VPS13B: variants seen among roughly 807,000 people sequenced by gnomAD.
The protein encoded by VPS13B is vacuolar protein sorting 13 homolog B, also known as intermembrane lipid transfer protein VPS13B.
VPS13B carries 285 observed loss-of-function variants against 426.4 expected under a neutral mutation model. The ratio of observed to expected loss-of-function variants is 0.67; its 90% CI spans 0.61 to 0.74. The LOEUF (loss-of-function observed/expected upper bound fraction) is 0.74, where lower values mean the gene tolerates loss of function less well. Among genes scored for constraint, VPS13B ranks in the 30% least tolerant of loss-of-function variants. VPS13B has a pLI of 0.00. For synonymous variants in VPS13B, 1,676 were observed against 1,676.4 expected, an observed-to-expected ratio of 1.00 and a Z score of 0.01; for missense variants, 4,537 against 4,782.6, an observed-to-expected ratio of 0.95 and a Z score of 1.51.
intron 25 of VPS13B, among the ~76,000 whole-genome samples, chr8:99,495,653 T>C (rs1588437285): frequency 6.6e-6 from 1 of 152,218 alleles, no homozygotes; most frequent in East Asian, 1.9e-4. Context: ...CTGTTAATCT[T>C]ACAGCTAGAA....
At chr8:99,142,357 A>G (rs1048360383) in intron 12 of VPS13B, among the ~76,000 whole-genome samples, 2 of 152,218 alleles carry the variant, frequency 1.3e-5, no homozygotes, top group East Asian at 3.8e-4. Flanking sequence ...AGAGATGTAC[A>G]TATTAGATAA....
chr8:99,534,442 G>C (rs1324169580), intron 30 of VPS13B, among the ~76,000 whole-genome samples: 1 of 151,884 alleles, frequency 6.6e-6, no homozygotes, highest in Non-Finnish European at 1.5e-5. Context: ...AGAATGTTTG[G>C]GTTCCCATCA....
chr8:99,266,657 G>A (rs1443970377), intron 17 of VPS13B, among the ~76,000 whole-genome samples: 2 of 152,044 alleles, frequency 1.3e-5, no homozygotes, highest in Non-Finnish European at 2.9e-5. Flanking sequence ...GTTCTAGAGG[G>A]ACGTGATGGT....
chr8:99,680,247 G>C (rs1831105413), intron 35 of VPS13B, among the ~76,000 whole-genome samples: 1 of 152,124 alleles, frequency 6.6e-6, no homozygotes, highest in African/African-American at 2.4e-5. Context: ...GTCAAGTAAA[G>C]TTGGAACATT....
chr8:99,491,693 C>G (rs1043832135), intron 25 of VPS13B, among the ~76,000 whole-genome samples: 1 of 152,134 alleles, frequency 6.6e-6, no homozygotes, highest in Non-Finnish European at 1.5e-5. Flanking sequence ...AGTTCTCGTG[C>G]TGTGGTTTTC....
chr8:99,708,957 C>T lies in VPS13B; in HGVS notation c.6455-8214C>T, dbSNP rs1449962888. Among the ~76,000 whole-genome samples, 3 of 151,698 alleles carry T rather than the reference C, an allele frequency of 2.0e-5. No homozygotes were observed. In the South Asian group the frequency reaches 6.3e-4, roughly 32 times the overall value. ...TCAACTTACATATTCTGATCAAGGG[C>T]GGGGACGAACATGTTTTTTTCATGG... On this transcript the variant is annotated intron_variant, in intron 36 of 61. Transcript: ENST00000357162.
chr8:99,811,105 T>C (rs1813674489), intron 44 of VPS13B, among the ~76,000 whole-genome samples: 1 of 152,202 alleles, frequency 6.6e-6, no homozygotes, highest in South Asian at 2.1e-4. Context: ...CACCTTCCCA[T>C]TGAGTAATAT....
At chr8:99,752,750 A>G (rs925621233) in intron 39 of VPS13B, among the ~76,000 whole-genome samples, 1 of 152,332 alleles carries the variant, frequency 6.6e-6, no homozygotes, top group East Asian at 1.9e-4. Context: ...ATCAAGAGTT[A>G]TTAAGAACCT....
At chr8:99,369,108 G>A (rs2133256521) in intron 19 of VPS13B, among the ~76,000 whole-genome samples, 1 of 152,150 alleles carries the variant, frequency 6.6e-6, no homozygotes, top group Admixed American at 6.5e-5. Flanking sequence ...CCTTTCCATA[G>A]TTTTAAAGTT....
chr8:99,404,005 G>T (rs1815193331), intron 21 of VPS13B, among the ~76,000 whole-genome samples: 1 of 152,186 alleles, frequency 6.6e-6, no homozygotes, highest in African/African-American at 2.4e-5. Context: ...TTATTCAACT[G>T]AGGGAAAGGA....
At chr8:99,410,967 T>G (rs899230492) in intron 21 of VPS13B, among the ~76,000 whole-genome samples, 2 of 152,230 alleles carry the variant, frequency 1.3e-5, no homozygotes, top group Non-Finnish European at 2.9e-5. Context: ...CTATCATTGA[T>G]GGGCGTTTGG....
At chr8:99,214,561 G>A (rs535797139) in intron 17 of VPS13B, among the ~76,000 whole-genome samples, 3 of 152,006 alleles carry the variant, frequency 2.0e-5, no homozygotes, top group Admixed American at 6.6e-5. Flanking sequence ...TTTTGTTAAC[G>A]TGTCTCATCC....
chr8:99,369,497 T>C (rs1355772663), intron 19 of VPS13B, among the ~76,000 whole-genome samples: 1 of 152,192 alleles, frequency 6.6e-6, no homozygotes, highest in Non-Finnish European at 1.5e-5. Context: ...TTCTGTCAGG[T>C]TGTCCTGTGT....
At chr8:99,318,591 T>G (rs1366025470) in intron 19 of VPS13B, among the ~76,000 whole-genome samples, 1 of 151,988 alleles carries the variant, frequency 6.6e-6, no homozygotes. Context: ...ATGATCTCAG[T>G]TCACTGCAAC....
intron 14 of VPS13B, among the ~76,000 whole-genome samples, chr8:99,151,029 A>G (rs940793775): frequency 1.3e-5 from 2 of 152,202 alleles, no homozygotes; most frequent in Admixed American, 1.3e-4. Context: ...GTTTCTCCAC[A>G]TCCCTACCAA....
At chr8:99,205,532 C>G (rs79213953) in intron 17 of VPS13B, among the ~76,000 whole-genome samples, 3,075 of 152,114 alleles carry the variant, frequency 0.02, 114 homozygotes, top group African/African-American at 0.07. Flanking sequence ...CTTATACTTT[C>G]ATTTACTTTT....
At chr8:99,040,784 A>G (rs1842933369) in intron 3 of VPS13B, among the ~76,000 whole-genome samples, 1 of 151,956 alleles carries the variant, frequency 6.6e-6, no homozygotes, top group Non-Finnish European at 1.5e-5. Context: ...TGAATCTGTT[A>G]AAAAAAACTA....
intron 25 of VPS13B, among the ~76,000 whole-genome samples, chr8:99,488,996 C>G (rs542930497): frequency 6.6e-6 from 1 of 152,270 alleles, no homozygotes; most frequent in African/African-American, 2.4e-5. Context: ...AGGTTTTCCT[C>G]TAGGATTTTT....
At chr8:99,449,951 C>T (rs181090391) in intron 23 of VPS13B, among the ~76,000 whole-genome samples, 99 of 152,064 alleles carry the variant, frequency 6.5e-4, no homozygotes, top group Non-Finnish European at 1.2e-3. Context: ...ACTGTAGGTT[C>T]GTGCCACCAT....
Sources: gnomAD v4.1 joint callset for allele counts (sites outside exome capture counted in the v4.1 genomes callset) on GRCh38, gnomAD v4.1.1 for gene constraint, MANE v1.5 for transcripts, NCBI Gene and HGNC (gene_info 2026-07-23, HGNC 2026-07-21) for gene names.